Variants in HEXA observed in about 807,000 individuals in gnomAD.
HEXA encodes beta-hexosaminidase subunit alpha.
HEXA carries 54 observed loss-of-function variants against 73.3 expected under a neutral mutation model. That is an observed-to-expected ratio of 0.74 (90% CI 0.59 to 0.92). The LOEUF is 0.92. HEXA is among the 40% of genes least tolerant of loss of function. The probability of loss-of-function intolerance (pLI) is 0.00; values close to 1 mark genes in which losing one functional copy is unlikely to be tolerated. For synonymous variants in HEXA, 230 were observed against 246.9 expected, an observed-to-expected ratio of 0.93 and a Z score of 0.64; for missense variants, 649 against 653.0, an observed-to-expected ratio of 0.99 and a Z score of 0.07.
chr15:72,370,587 T>C, intron 1 of HEXA: 1 of 397,872 alleles, frequency 2.5e-6, no homozygotes, highest in South Asian at 1.3e-4. Context: ...TAGTCCTAGC[T>C]ACTCATCAGT....
Position 72,342,865 on chromosome 15 carries a change from C to T in HEXA, c.*1212G>A, listed in dbSNP as rs538103580. The stretch of plus-strand genomic sequence containing the variant: ...ACTTTGGGAGGCCAAGACAAGTGAA[C>T]ATCTGAGGTCATGAGTTCAAGACCA... On this transcript the variant is annotated 3_prime_UTR_variant, in exon 14 of 14. Transcript: ENST00000268097. The T allele has an allele frequency of 3.3e-5, 5 of 151,862 alleles. No individual in the cohort carries two copies. Among genetic ancestry groups the T allele is most frequent in the African/African-American group, 9.7e-5 (4 of 41,300 alleles). 9.4% of individuals were successfully genotyped at this position (151,862 alleles called of 1,614,324 possible). A position where few individuals can be genotyped will look rare whatever the true frequency, so the allele number is the denominator to read the frequency against.
At chr15:72,364,347 C>T (rs1165647029) in intron 1 of HEXA, among the ~76,000 whole-genome samples, 2 of 152,006 alleles carry the variant, frequency 1.3e-5, no homozygotes, top group Non-Finnish European at 2.9e-5. Flanking sequence ...ACATTTTTCC[C>T]CTTACCAAAA....
chr15:72,372,841 A>T (rs2089010896), intron 1 of HEXA, among the ~76,000 whole-genome samples: 1 of 152,220 alleles, frequency 6.6e-6, no homozygotes, highest in Non-Finnish European at 1.5e-5. Context: ...CATTAGGAAA[A>T]ACACTGGGCT....
chr15:72,361,473 A>G (rs960765527), intron 1 of HEXA, among the ~76,000 whole-genome samples: 7 of 152,100 alleles, frequency 4.6e-5, no homozygotes, highest in Non-Finnish European at 1.0e-4. Context: ...TCCCAAATCT[A>G]TCTTTCCAAG....
In HEXA at chr15:72,353,691, T is replaced by C. The variant is rs2088732737; in HGVS notation, c.459A>G (p.Thr153=). 1 of 1,611,234 alleles carries C rather than the reference T, an allele frequency of 6.2e-7. No individual in the cohort carries two copies. Among genetic ancestry groups the C allele is most frequent in the South Asian group, 1.1e-5 (1 of 91,010 alleles). ...SQLVWKSAEG[T]FFINKTEIED... ...GCCCTTTTTGAGGGTCCACACTTAC[T>C]GTGCCCTCAGCAGATTTCCAAACAA... The change falls in exon 4 of 14, where the codon ACA becomes ACG. Residue 153 remains threonine (T), a splice_region_variant and synonymous_variant. Transcript: ENST00000268097.
At chr15:72,355,394 C>T in intron 3 of HEXA, 165 bp downstream of exon 3, 1 of 678,160 alleles carries the variant, frequency 1.5e-6, no homozygotes, top group Non-Finnish European at 2.7e-6. Flanking sequence ...GGCATGGTGG[C>T]AGGCACCTGT....
Position 72,348,035 on chromosome 15 carries a change from C to T in HEXA, c.1073+13G>A. The T allele has an allele frequency of 6.3e-7, 1 of 1,594,894 alleles. No homozygotes were observed. Among genetic ancestry groups the T allele is most frequent in the Non-Finnish European group, 8.6e-7 (1 of 1,162,858 alleles). On this transcript the variant is annotated intron_variant, in intron 9 of 13. Coordinates refer to ENST00000268097, the MANE Select transcript of HEXA (RefSeq NM_000520.6). ...CCCCCAAGGGACCCCACCCACCCTC[C>T]TTCCTTCCTCACGTCTGGATGTAGA...
intron 4 of HEXA, 27 bp downstream of exon 4, chr15:72,353,664 G>C (rs1567299601): frequency 6.3e-7 from 1 of 1,584,328 alleles, no homozygotes; most frequent in Non-Finnish European, 8.7e-7. Flanking sequence ...GATGAAAAAG[G>C]AGCCCTTTTT....
At chr15:72,356,753 T>C (rs538428121) in intron 1 of HEXA, 136 bp from the exon 2 acceptor site, 2 of 1,301,724 alleles carry the variant, frequency 1.5e-6, no homozygotes, top group South Asian at 2.5e-5. Context: ...ACCCTTGGCA[T>C]AGGCAGTGCC....
chr15:72,375,848 T>G lies in HEXA; in HGVS notation c.125A>C (p.Asn42Thr). Residue 42 changes from asparagine to threonine, a missense_variant, in exon 1 of 14, where the codon AAC becomes ACC. Asn to Thr is a moderately conservative substitution (Grantham distance 65). Transcript: ENST00000268097. ...GACATCGTACTGGAATTGAAAGTTGTTCGGGTAAAGGACGTAGCGCTGGTC... is the reference window on the plus strand; with the variant it reads ...GACATCGTACTGGAATTGAAAGTTGGTCGGGTAAAGGACGTAGCGCTGGTC... The part of the protein sequence containing the change: ...TSDQRYVLYP[N>T]NFQFQYDVSS... 6.2e-7 allele frequency: 1 copy of G among 1,614,246 alleles called. No individual in the cohort carries two copies. The highest frequency in any genetic ancestry group is 8.5e-7 in the Non-Finnish European group (1 of 1,180,032).
At chr15:72,345,369 G>A in intron 13 of HEXA, 77 bp downstream of exon 13, 1 of 1,591,626 alleles carries the variant, frequency 6.3e-7, no homozygotes, top group Non-Finnish European at 8.5e-7. Context: ...GTTAATTATT[G>A]TCTTCCTCTC....
intron 13 of HEXA, among the ~76,000 whole-genome samples, chr15:72,344,390 T>C (rs555530671): frequency 6.6e-6 from 1 of 152,288 alleles, no homozygotes; most frequent in East Asian, 1.9e-4. Flanking sequence ...TCCAGAAACG[T>C]TGGCGACATC....
At chr15:72,350,779 A>G (rs2088684655) in intron 6 of HEXA, 129 bp from the exon 7 acceptor site, 3 of 978,114 alleles carry the variant, frequency 3.1e-6, no homozygotes, top group South Asian at 2.7e-5. Flanking sequence ...GTCAGGGACT[A>G]TCTTCAAAAA....
At position 72,341,098 on chromosome 15, in the gene HEXA, A is replaced by T. The variant is rs1300540337; in HGVS notation, c.*2979T>A. The T allele has an allele frequency of 6.6e-6, 1 of 152,160 alleles. No homozygotes were observed. Among genetic ancestry groups the T allele is most frequent in the Non-Finnish European group, 1.5e-5 (1 of 68,018 alleles). The allele number at this position is 152,160 out of a possible 1,614,324, so 9.4% of individuals were successfully genotyped here. On this transcript the variant is annotated 3_prime_UTR_variant, in exon 14 of 14. Coordinates refer to ENST00000268097, the MANE Select transcript of HEXA (RefSeq NM_000520.6). ...CAAAAGATATTGACAGAAACTATAC[A>T]AATCTAGAATTTAGAGTGCTAGGAA... is the stretch of plus-strand genomic sequence containing the variant.
rs761481637 is a variant in HEXA, at chr15:72,353,020, A to G, written c.570+48T>C. On this transcript the variant is annotated intron_variant, in intron 5 of 13. Coordinates refer to ENST00000268097, the MANE Select transcript of HEXA (RefSeq NM_000520.6). The stretch of plus-strand genomic sequence containing the variant: ...TGGAACTTGGTCTGTCCGTTGCTCC[A>G]TCACCCTAGAACTCTTAAGTGTGAA... 6.2e-6 allele frequency: 7 copies of G among 1,136,784 alleles called. No individual in the cohort carries two copies. The African/African-American group carries it at 7.6e-5, about 12-fold the overall frequency. 70.4% of individuals were successfully genotyped at this position (1,136,784 alleles called of 1,614,324 possible).
At chr15:72,366,369 C>CGCG (rs921662169) in intron 1 of HEXA, among the ~76,000 whole-genome samples, 3 of 151,054 alleles carry the variant, frequency 2.0e-5, no homozygotes, top group African/African-American at 7.3e-5. Context: ...GGTGCAGTGG[C>CGCG]GCGATCTCAG....
At position 72,375,776 on chromosome 15, in the gene HEXA, T is replaced by C. The variant is rs753442808; in HGVS notation, c.197A>G (p.Gln66Arg). 2.7e-5 allele frequency: 43 copies of C among 1,614,026 alleles called. No individual in the cohort carries two copies. In the South Asian group the frequency reaches 3.5e-4, roughly 13 times the overall value. ...PGCSVLDEAF[Q>R]RYRDLLFGSG... ...ACCGAAAAGCAGGTCACGATAGCGCTGGAAGGCCTCGTCGAGGACTGAGCA... is the reference window on the plus strand; with the variant it reads ...ACCGAAAAGCAGGTCACGATAGCGCCGGAAGGCCTCGTCGAGGACTGAGCA... Residue 66 changes from glutamine (Q) to arginine (R), a missense_variant, in exon 1 of 14, where the codon CAG (glutamine) becomes CGG (arginine). Gln to Arg is a conservative substitution (Grantham distance 43, BLOSUM62 1). Coordinates refer to ENST00000268097, the MANE Select transcript of HEXA (RefSeq NM_000520.6).
Position 72,346,593 on chromosome 15 carries a change from G to C in HEXA, c.1264C>G (p.Leu422Val), listed in dbSNP as rs774562271. The change falls in exon 11 of 14, where the codon CTG becomes GTG. Residue 422 changes from leucine to valine, a missense_variant. Leu to Val is a conservative substitution (Grantham distance 32). Coordinates refer to ENST00000268097, the MANE Select transcript of HEXA (RefSeq NM_000520.6). ...FRALLSAPWY[L>V]NRISYGPDWK... ...TCAGGGCCATAGGATATACGGTTCA[G>C]GTACCAGGGGGCAGAGAGAAGGGCC... 18 of 1,614,006 alleles carry C rather than the reference G, an allele frequency of 1.1e-5. No individual in the cohort carries two copies. Among genetic ancestry groups the C allele is most frequent in the Admixed American group, 6.7e-5 (4 of 60,002 alleles).
chr15:72,368,473 C>G lies in HEXA; in HGVS notation c.253+7247G>C, dbSNP rs576950163. On this transcript the variant is annotated intron_variant, in intron 1 of 13. Transcript: ENST00000268097. The stretch of plus-strand genomic sequence containing the variant: ...TTGGGATAACACTGACCTCACAGAG[C>G]TGTTTATGAAGATTAAAGGGCAATA... Among the ~76,000 whole-genome samples, 8 of 152,334 alleles carry G rather than the reference C, an allele frequency of 5.3e-5. No individual in the cohort carries two copies. In the South Asian group the frequency reaches 1.7e-3, roughly 32 times the overall value.
Sources: allele counts gnomAD v4.1 joint callset (sites outside exome capture counted in the v4.1 genomes callset), GRCh38; gene constraint gnomAD v4.1.1; transcripts MANE v1.5; gene names NCBI Gene and HGNC (gene_info 2026-07-23, HGNC 2026-07-21).